Variants in MIDEAS observed in about 807,000 individuals in gnomAD.
The protein encoded by MIDEAS is mitotic deacetylase-associated SANT domain protein.
MIDEAS carries 26 observed loss-of-function variants against 102.7 expected under a neutral mutation model. The ratio of observed to expected loss-of-function variants is 0.25; its 90% CI spans 0.19 to 0.35. The LOEUF (loss-of-function observed/expected upper bound fraction) is 0.35. MIDEAS is among the 10% of genes least tolerant of loss of function. The probability of loss-of-function intolerance (pLI) is 1.00; values close to 1 mark genes in which losing one functional copy is unlikely to be tolerated. For missense variants in MIDEAS, 1,231 were observed against 1,435.6 expected, an observed-to-expected ratio of 0.86 and a Z score of 2.30; for synonymous variants, 585 against 591.0, an observed-to-expected ratio of 0.99 and a Z score of 0.15.
chr14:73,731,262 T>C (rs1451319232), intron 3 of MIDEAS, among the ~76,000 whole-genome samples: 1 of 152,166 alleles, frequency 6.6e-6, no homozygotes, highest in Non-Finnish European at 1.5e-5. Context: ...ACAGGTAAGG[T>C]TGGCCATGTT....
intron 1 of MIDEAS, among the ~76,000 whole-genome samples, chr14:73,757,827 G>A (rs2140152548): frequency 6.6e-6 from 1 of 152,340 alleles, no homozygotes; most frequent in South Asian, 2.1e-4. Flanking sequence ...ATTGAAAGCA[G>A]CAGCACACAG....
At chr14:73,721,039 C>T (rs1180494305) in intron 11 of MIDEAS, among the ~76,000 whole-genome samples, 1 of 152,164 alleles carries the variant, frequency 6.6e-6, no homozygotes, top group Non-Finnish European at 1.5e-5. Context: ...AAATTAATCG[C>T]AGACTCTGGA....
In MIDEAS at chr14:73,715,469, A is replaced by G. The variant is rs576168039; in HGVS notation, c.*3374T>C. On this transcript the variant is annotated 3_prime_UTR_variant, in exon 13 of 13. Transcript: ENST00000423556. ...TAAAATATCTGTACAATAATTACAG[A>G]CTGTCAAGGCTGTTCCTGTGCTCTG... 249 of 152,688 alleles carry G rather than the reference A, an allele frequency of 1.6e-3. 1 individual carries two copies. The highest frequency in any genetic ancestry group is 5.1e-3 in the African/African-American group (211 of 41,584). The allele number at this position is 152,688 out of a possible 1,614,324, so 9.5% of individuals were successfully genotyped here.
At chr14:73,744,611 G>A (rs758893949) in intron 1 of MIDEAS, among the ~76,000 whole-genome samples, 10 of 152,258 alleles carry the variant, frequency 6.6e-5, no homozygotes, top group Non-Finnish European at 1.0e-4. Context: ...GTCTCCAGGC[G>A]AGTCAGTTCT....
chr14:73,777,912 T>C (rs898277338), intron 1 of MIDEAS, among the ~76,000 whole-genome samples: 13 of 151,982 alleles, frequency 8.6e-5, no homozygotes, highest in Non-Finnish European at 1.9e-4. Context: ...TTTGTCTCCC[T>C]CACAGACCAT....
At chr14:73,781,988 C>T (rs184585003) in intron 1 of MIDEAS, among the ~76,000 whole-genome samples, 5 of 152,118 alleles carry the variant, frequency 3.3e-5, no homozygotes, top group African/African-American at 4.8e-5. Context: ...ACCTGGGGTG[C>T]GGAGGTTGCA....
Position 73,739,471 on chromosome 14 carries a change from G to A in MIDEAS, c.538C>T (p.Arg180Ter). ...AGGPQLDRYV[R>*]PMMPQKVQLE... is the part of the protein sequence containing the mutation. ...TGCACCTTCTGTGGCATCATTGGTC[G>A]CACATAGCGGTCCAGCTGTGGGCCC... The change falls in exon 2 of 13, where the codon CGA (arginine) becomes TGA (stop). Residue 180 changes from arginine to a stop codon, truncating the protein, a stop_gained. Coordinates refer to ENST00000423556, the MANE Select transcript of MIDEAS (RefSeq NM_001367710.1). LOFTEE classifies it high-confidence loss of function. 6.2e-7 allele frequency: 1 copy of A among 1,606,098 alleles called. No homozygotes were observed. Among genetic ancestry groups the A allele is most frequent in the Non-Finnish European group, 8.5e-7 (1 of 1,175,682 alleles).
chr14:73,715,846 G>A lies in MIDEAS; in HGVS notation c.*2997C>T, dbSNP rs1384604599. 6.6e-6 allele frequency: 1 copy of A among 152,562 alleles called. No homozygotes were observed. Among genetic ancestry groups the A allele is most frequent in the Non-Finnish European group, 1.5e-5 (1 of 68,116 alleles). The allele number at this position is 152,562 out of a possible 1,614,324, so 9.5% of individuals were successfully genotyped here. The stretch of plus-strand genomic sequence containing the variant: ...AAGCAGCAGAAGACCTTGGTGCCAG[G>A]GGTGGAGGCGCGGCAGAAGGGGTGG... On this transcript the variant is annotated 3_prime_UTR_variant, in exon 13 of 13. Transcript: ENST00000423556.
At position 73,717,729 on chromosome 14, in the gene MIDEAS, A is replaced by G. The variant is rs1336804685; in HGVS notation, c.*1114T>C. ...GAGAGGATGTTAAAAATTAAATACT[A>G]AGAATAAATAAATAGCTCCCAAATG... On this transcript the variant is annotated 3_prime_UTR_variant, in exon 13 of 13. Coordinates refer to ENST00000423556, the MANE Select transcript of MIDEAS (RefSeq NM_001367710.1). The G allele has an allele frequency of 1.3e-5, 2 of 152,630 alleles. No individual in the cohort carries two copies. Among genetic ancestry groups the G allele is most frequent in the African/African-American group, 2.4e-5 (1 of 41,446 alleles). The allele number at this position is 152,630 out of a possible 1,614,324, so 9.5% of individuals were successfully genotyped here.
rs148482663 is a variant in MIDEAS at position 73,776,811 on chromosome 14, G to A, written c.-248+10291C>T. ...ACCGTAACATCAGCCTCAGGCTCACGCCTGTAACCCCTGCACTTTGGGAGG... is the reference window on the plus strand; with the variant it reads ...ACCGTAACATCAGCCTCAGGCTCACACCTGTAACCCCTGCACTTTGGGAGG... On this transcript the variant is annotated intron_variant, in intron 1 of 11. Transcript: ENST00000394071. Among the ~76,000 whole-genome samples the A allele has an allele frequency of 7.2e-4, 109 of 152,006 alleles. 1 individual carries two copies. Among genetic ancestry groups the A allele is most frequent in the Non-Finnish European group, 1.5e-3 (105 of 67,924 alleles).
In MIDEAS at chr14:73,715,254, G is replaced by T. The variant is rs2052866791; in HGVS notation, c.*3589C>A. On this transcript the variant is annotated 3_prime_UTR_variant, in exon 13 of 13. Transcript: ENST00000423556. ...TGTATTAATTTTTTTCTTATAAAAA[G>T]CACACAAAAAATAAAATCTTCAGTC... 2 of 152,436 alleles carry T rather than the reference G, an allele frequency of 1.3e-5. No individual in the cohort carries two copies. Among genetic ancestry groups the T allele is most frequent in the African/African-American group, 4.8e-5 (2 of 41,350 alleles). 9.4% of individuals were successfully genotyped at this position (152,436 alleles called of 1,614,324 possible).
chr14:73,732,641 C>T (rs558265126), intron 3 of MIDEAS, among the ~76,000 whole-genome samples: 2 of 150,218 alleles, frequency 1.3e-5, no homozygotes, highest in Admixed American at 6.7e-5. Context: ...CAAAAATTGG[C>T]TGGGCATGGT....
chr14:73,768,800 T>G lies in MIDEAS; in HGVS notation c.-248+18302A>C, dbSNP rs771472841. 3.4e-4 allele frequency among the ~76,000 whole-genome samples: 52 copies of G among 152,160 alleles called. 1 individual carries two copies. Among genetic ancestry groups the G allele is most frequent in the Non-Finnish European group, 6.8e-4 (46 of 68,032 alleles). On this transcript the variant is annotated intron_variant, in intron 1 of 11. Coordinates refer to the MIDEAS transcript ENST00000394071. The stretch of plus-strand genomic sequence containing the variant: ...GCACCCAGACTATTGCCAATATTTT[T>G]TTTAAATCAGAAAACAAACTAAAAA...
At chr14:73,752,946 C>T (rs2053438522) in intron 1 of MIDEAS, among the ~76,000 whole-genome samples, 1 of 152,178 alleles carries the variant, frequency 6.6e-6, no homozygotes, top group Non-Finnish European at 1.5e-5. Flanking sequence ...AATGATGGGC[C>T]CCAGGTCAGA....
chr14:73,789,090 C>A (rs1189056254), upstream of MIDEAS: 1 of 152,118 alleles, frequency 6.6e-6, no homozygotes, highest in South Asian at 2.1e-4. Context: ...CTAAGATGCG[C>A]CCCCTGCCAA....
At chr14:73,736,350 G>A (rs192314272) in intron 3 of MIDEAS, among the ~76,000 whole-genome samples, 3 of 152,128 alleles carry the variant, frequency 2.0e-5, no homozygotes, top group Non-Finnish European at 4.4e-5. Context: ...AGGAGATGTC[G>A]GCCAGGCGCG....
Position 73,718,695 on chromosome 14 carries a change from C to T in MIDEAS, c.*148G>A. 1.3e-6 allele frequency: 1 copy of T among 791,878 alleles called. No individual in the cohort carries two copies. The highest frequency in any genetic ancestry group is 1.8e-6 in the Non-Finnish European group (1 of 568,474). The allele number at this position is 791,878 out of a possible 1,614,324, so 49.1% of individuals were successfully genotyped here. Reference sequence around the variant, plus strand: ...CCAGGGCCTTCATAAATAAAAGAGCCGTTTATGTCATTGTCTCATTTGTTT... The same window carrying T: ...CCAGGGCCTTCATAAATAAAAGAGCTGTTTATGTCATTGTCTCATTTGTTT... On this transcript the variant is annotated 3_prime_UTR_variant, in exon 13 of 13. Transcript: ENST00000423556.
chr14:73,775,171 G>A (rs1333523489), intron 1 of MIDEAS, among the ~76,000 whole-genome samples: 1 of 151,944 alleles, frequency 6.6e-6, no homozygotes, highest in Non-Finnish European at 1.5e-5. Context: ...AGCAGCAAGA[G>A]GCCGGCTGGA....
At chr14:73,757,997 C>G (rs727983) in intron 1 of MIDEAS, among the ~76,000 whole-genome samples, 2 of 152,154 alleles carry the variant, frequency 1.3e-5, no homozygotes, top group African/African-American at 4.8e-5. Context: ...CTGGCAGTGG[C>G]TAGGCTGTTC....
Sources: allele counts gnomAD v4.1 joint callset (sites outside exome capture counted in the v4.1 genomes callset), GRCh38; gene constraint gnomAD v4.1.1; transcripts MANE v1.5; gene names NCBI Gene and HGNC (gene_info 2026-07-23, HGNC 2026-07-21).